SHISA6: variants seen among roughly 807,000 people sequenced by gnomAD.
SHISA6 encodes the protein protein shisa-6.
SHISA6 carries 22 observed loss-of-function variants against 47.9 expected under a neutral mutation model. That is an observed-to-expected ratio of 0.46 (90% CI 0.33 to 0.66). The LOEUF is 0.66. Among genes scored for constraint, SHISA6 ranks in the 30% least tolerant of loss-of-function variants. SHISA6 has a pLI of 0.02. For synonymous variants in SHISA6, 388 were observed against 337.8 expected (o/e 1.15, Z -1.63); for missense variants, 680 against 764.6 (o/e 0.89, Z 1.30).
At chr17:11,459,198 G>A (rs1335986403) in intron 3 of SHISA6, among the ~76,000 whole-genome samples, 6 of 139,744 alleles carry the variant, frequency 4.3e-5, no homozygotes, top group African/African-American at 1.4e-4. Context: ...CAGCCCGGGC[G>A]ACAGAGCGAG....
chr17:11,387,341 G>A (rs1913230367), intron 3 of SHISA6, among the ~76,000 whole-genome samples: 1 of 152,132 alleles, frequency 6.6e-6, no homozygotes, highest in Non-Finnish European at 1.5e-5. Flanking sequence ...TGGAGCAGGT[G>A]ATGAGTTCAA....
intron 3 of SHISA6, among the ~76,000 whole-genome samples, chr17:11,514,144 C>T (rs574380309): frequency 2.6e-4 from 40 of 152,264 alleles, no homozygotes; most frequent in African/African-American, 6.3e-4. Flanking sequence ...TCTTCGTGGA[C>T]GGCCCTATTG....
intron 2 of SHISA6, among the ~76,000 whole-genome samples, chr17:11,330,656 G>A (rs1290369539): frequency 2.0e-5 from 3 of 152,110 alleles, no homozygotes; most frequent in South Asian, 4.2e-4. Context: ...TTAAAAGGGT[G>A]CTATTCATTA....
chr17:11,424,382 A>C (rs570746432), intron 3 of SHISA6, among the ~76,000 whole-genome samples: 5 of 152,232 alleles, frequency 3.3e-5, no homozygotes, highest in Admixed American at 6.5e-5. Flanking sequence ...CCATCAATTT[A>C]TAACCAGCTA....
intron 2 of SHISA6, 38 bp from the exon 3 acceptor site, chr17:11,379,376 G>A (rs762142597): frequency 1.1e-4 from 163 of 1,431,082 alleles, no homozygotes; most frequent in Middle Eastern, 3.5e-4. Flanking sequence ...TGTTGGTGTC[G>A]TGGATGCGCC....
chr17:11,487,494 G>A lies in SHISA6; in HGVS notation c.896-64402G>A, dbSNP rs1916382195. 3.9e-5 allele frequency among the ~76,000 whole-genome samples: 6 copies of A among 152,172 alleles called. No homozygotes were observed. In the South Asian group the frequency reaches 1.0e-3, roughly 26 times the overall value. On this transcript the variant is annotated intron_variant, in intron 3 of 5. Transcript: ENST00000441885. ...GGGGACAAGAGTCAGACCTGCTGCA[G>A]TATTATCCTATCTAGCCATGTACCC...
rs746398993 is a variant in SHISA6, at chr17:11,401,586, G to T, written c.895+22077G>T. Among the ~76,000 whole-genome samples, 70 of 152,226 alleles carry T rather than the reference G, an allele frequency of 4.6e-4. 1 individual carries two copies. Among genetic ancestry groups the T allele is most frequent in the Non-Finnish European group, 1.6e-4 (11 of 68,038 alleles). On this transcript the variant is annotated intron_variant, in intron 3 of 5. Transcript: ENST00000441885. ...GAAGTCATCTTAGACCCAACTTCAT[G>T]TAATGGGGTTCTATAGTCATCACAA...
chr17:11,264,634 G>C (rs1908357194), intron 2 of SHISA6, among the ~76,000 whole-genome samples: 1 of 152,166 alleles, frequency 6.6e-6, no homozygotes, highest in African/African-American at 2.4e-5. Context: ...TTGCTCAACA[G>C]TTTTCAGAGG....
At chr17:11,417,166 C>G (rs1272445244) in intron 3 of SHISA6, among the ~76,000 whole-genome samples, 4 of 151,134 alleles carry the variant, frequency 2.6e-5, no homozygotes, top group Non-Finnish European at 5.9e-5. Flanking sequence ...TATATTAAAC[C>G]ATGAGTGGTG....
At chr17:11,455,967 G>A (rs1046148518) in intron 3 of SHISA6, among the ~76,000 whole-genome samples, 64 of 151,978 alleles carry the variant, frequency 4.2e-4, no homozygotes, top group African/African-American at 1.4e-3. Context: ...GACCGTAGAT[G>A]TTCAAATATA....
intron 2 of SHISA6, among the ~76,000 whole-genome samples, chr17:11,360,861 A>G (rs1012799469): frequency 6.6e-6 from 1 of 151,590 alleles, no homozygotes; most frequent in African/African-American, 2.4e-5. Context: ...TGGAGCTTCC[A>G]AAAGGGTATA....
intron 3 of SHISA6, among the ~76,000 whole-genome samples, chr17:11,468,971 A>G (rs1915872225): frequency 7.1e-6 from 1 of 140,096 alleles, no homozygotes; most frequent in Non-Finnish European, 1.5e-5. Flanking sequence ...AGCCGCCAAG[A>G]TCGTGCCACT....
intron 3 of SHISA6, among the ~76,000 whole-genome samples, chr17:11,412,121 A>C (rs1399558195): frequency 6.6e-6 from 1 of 152,180 alleles, no homozygotes; most frequent in Non-Finnish European, 1.5e-5. Context: ...AGATCTTGTG[A>C]ACTGGGTTTA....
At chr17:11,285,808 G>A (rs1567560813) in intron 2 of SHISA6, among the ~76,000 whole-genome samples, 1 of 151,708 alleles carries the variant, frequency 6.6e-6, no homozygotes, top group Admixed American at 6.6e-5. Flanking sequence ...GGTGGTGCTG[G>A]TGGTGTGGCT....
At chr17:11,411,019 A>G (rs530707444) in intron 3 of SHISA6, among the ~76,000 whole-genome samples, 180 of 152,158 alleles carry the variant, frequency 1.2e-3, no homozygotes, top group African/African-American at 4.1e-3. Context: ...CCCATGCTGG[A>G]GTGCAGTGGC....
intron 2 of SHISA6, among the ~76,000 whole-genome samples, chr17:11,351,145 G>T (rs1351089783): frequency 6.6e-6 from 1 of 152,100 alleles, no homozygotes; most frequent in East Asian, 1.9e-4. Context: ...CTGTTGGGGG[G>T]TGGGGAACAA....
intron 2 of SHISA6, among the ~76,000 whole-genome samples, chr17:11,300,224 A>T (rs1046218709): frequency 2.0e-5 from 3 of 151,950 alleles, no homozygotes; most frequent in Non-Finnish European, 4.4e-5. Context: ...AAGGACTGGG[A>T]TGTGGATATC....
At chr17:11,254,669 G>A (rs1442595147) in intron 1 of SHISA6, among the ~76,000 whole-genome samples, 1 of 152,180 alleles carries the variant, frequency 6.6e-6, no homozygotes, top group South Asian at 2.1e-4. Flanking sequence ...AATTCTAGTT[G>A]ATTCTCATGG....
intron 3 of SHISA6, among the ~76,000 whole-genome samples, chr17:11,539,087 G>A (rs902759416): frequency 1.3e-5 from 2 of 152,150 alleles, no homozygotes; most frequent in South Asian, 2.1e-4. Flanking sequence ...GACTACAGGC[G>A]CCTGCCACCA....
Sources: gnomAD v4.1 joint callset for allele counts (sites outside exome capture counted in the v4.1 genomes callset) on GRCh38, gnomAD v4.1.1 for gene constraint, MANE v1.5 for transcripts, NCBI Gene and HGNC (gene_info 2026-07-23, HGNC 2026-07-21) for gene names.